The following TCF20 variants were observed in gnomAD, a reference collection of about 807,000 sequenced individuals.
The protein encoded by TCF20 is SPRE-binding protein.
In TCF20, 3 loss-of-function variants were observed where a neutral mutation model predicts 148.6. That is an observed-to-expected ratio of 0.02 (90% CI 0.01 to 0.05). The LOEUF is 0.05. Ranked by LOEUF, TCF20 falls within the 10% of genes least tolerant of loss-of-function variation. The pLI, the probability that TCF20 is intolerant of heterozygous loss-of-function variation, is 1.00. For synonymous variants in TCF20, 1,049 were observed against 909.5 expected (o/e 1.15, Z -2.76); for missense variants, 2,350 against 2,429.3 (o/e 0.97, Z 0.69).
intron 1 of TCF20, among the ~76,000 whole-genome samples, chr22:42,296,762 A>G (rs767849243): frequency 3.0e-4 from 46 of 152,218 alleles, no homozygotes; most frequent in Admixed American, 9.8e-4. Context: ...TGCCAGCCCC[A>G]AGCAGGGCTC....
chr22:42,203,572 A>C (rs914756020), intron 2 of TCF20, among the ~76,000 whole-genome samples: 28 of 152,232 alleles, frequency 1.8e-4, no homozygotes, highest in African/African-American at 6.8e-4. Flanking sequence ...TTTAGTGTCA[A>C]TGTCATCATG....
intron 1 of TCF20, among the ~76,000 whole-genome samples, chr22:42,306,333 C>A (rs548499618): frequency 1.3e-5 from 2 of 152,354 alleles, no homozygotes. Context: ...AGCCGCCCTG[C>A]CAGGCTGGGC....
chr22:42,194,632 C>T lies in TCF20; in HGVS notation c.5656-14930G>A, dbSNP rs534686167. ...GCGGGGGTAGCGGTAGATGGTGTTA[C>T]TGAGAAAGCCAGGCAAAGTGGTTGT... On this transcript the variant is annotated intron_variant, in intron 2 of 5. Transcript: ENST00000677622. Among the ~76,000 whole-genome samples the T allele has an allele frequency of 4.6e-5, 7 of 152,106 alleles. No homozygotes were observed. In the South Asian group the frequency reaches 1.5e-3, roughly 32 times the overall value.
rs746725241 is a variant in TCF20, at chr22:42,211,303, T to C, written c.4003A>G (p.Ser1335Gly). Residue 1335 changes from serine (S) to glycine (G), a missense_variant, in exon 2 of 6, where the codon AGC becomes GGC. Physicochemically the swap from Ser to Gly is moderately conservative, Grantham distance 56. Around this residue, in one of 7 missense-constraint regions of TCF20, gnomAD observed 1,641 missense variants for 1,662.6 expected, o/e 0.99. Transcript: ENST00000677622. Reference protein sequence around the residue: ...SRNCPAVTLTSPAKTKILPPR... With the variant: ...SRNCPAVTLTGPAKTKILPPR... ...GGCAGTATTTTGGTCTTAGCAGGGC[T>C]TGTGAGGGTAACAGCAGGGCAGTTT... 14 of 1,614,078 alleles carry C rather than the reference T, an allele frequency of 8.7e-6. No individual in the cohort carries two copies. The Admixed American group carries it at 2.3e-4, about 27-fold the overall frequency.
At position 42,212,314 on chromosome 22, in the gene TCF20, GACC is replaced by G. The variant is rs755253656; in HGVS notation, c.2989_2991del (p.Gly997del). Reference sequence around the variant, plus strand: ...GGGGACCGACCCCTCATGCCCTCCCGACCACCAACTCTGCCAGGGACCCGCCGC... The same window carrying G: ...GGGGACCGACCCCTCATGCCCTCCCGACCAACTCTGCCAGGGACCCGCCGC... On this transcript the variant is annotated inframe_deletion, in exon 2 of 6. Coordinates refer to ENST00000677622, the MANE Select transcript of TCF20 (RefSeq NM_001378418.1). The G allele has an allele frequency of 1.2e-6, 2 of 1,614,078 alleles. No homozygotes were observed. The highest frequency in any genetic ancestry group is 1.1e-5 in the South Asian group (1 of 91,076).
chr22:42,213,951 C>T lies in TCF20; in HGVS notation c.1355G>A (p.Gly452Glu). The T allele has an allele frequency of 6.2e-7, 1 of 1,614,146 alleles. No homozygotes were observed. The highest frequency in any genetic ancestry group is 8.5e-7 in the Non-Finnish European group (1 of 1,180,018). The change falls in exon 2 of 6, where the codon GGG (glycine) becomes GAG (glutamate). Residue 452 changes from glycine to glutamate, a missense_variant. This residue lies in a region of TCF20 where 1,641 missense variants were observed against 1,662.6 expected (regional missense o/e 0.99). Coordinates refer to ENST00000677622, the MANE Select transcript of TCF20 (RefSeq NM_001378418.1). ...ACTCAGAGCACTCAAACTACTCAACCCAGGATCTGTCAGTCGCTTTTCTGG... is the reference window on the plus strand; with the variant it reads ...ACTCAGAGCACTCAAACTACTCAACTCAGGATCTGTCAGTCGCTTTTCTGG... Reference protein sequence around the residue: ...GVPEKRLTDPGLSSLSALSTQ... With the variant: ...GVPEKRLTDPELSSLSALSTQ...
At position 42,317,973 on chromosome 22, in the gene TCF20, G is replaced by T. The variant is rs1927663432; in HGVS notation, c.-37+25506C>A. Among the ~76,000 whole-genome samples the T allele has an allele frequency of 6.6e-6, 1 of 152,202 alleles. No homozygotes were observed. The highest frequency in any genetic ancestry group is 1.5e-5 in the Non-Finnish European group (1 of 68,020). On this transcript the variant is annotated intron_variant, in intron 1 of 1. Coordinates refer to the TCF20 transcript ENST00000515426. This position sits in a 1 kb window ranked among gnomAD's most constrained non-coding sequence, Gnocchi z 4.2. ...CACACTCCCAGAGCCCTATGGGGCA[G>T]GCAGGCCCAGGCCCAGACAAGCCCC...
chr22:42,309,702 A>G (rs1927498935), intron 1 of TCF20, among the ~76,000 whole-genome samples: 1 of 152,130 alleles, frequency 6.6e-6, no homozygotes, highest in Non-Finnish European at 1.5e-5. Context: ...TTCCAGTCTC[A>G]GCTCAGACTT....
At chr22:42,198,693 G>A (rs939652446) in intron 2 of TCF20, among the ~76,000 whole-genome samples, 5 of 144,172 alleles carry the variant, frequency 3.5e-5, no homozygotes, top group East Asian at 2.0e-4. Context: ...AGACAGTCTC[G>A]CTGTGTCGCC....
At chr22:42,337,681 G>A (rs911486090) in intron 1 of TCF20, among the ~76,000 whole-genome samples, 21 of 152,232 alleles carry the variant, frequency 1.4e-4, no homozygotes, top group African/African-American at 4.8e-4. Context: ...AAAATAGCTT[G>A]AGCAAAAAAG....
At chr22:42,249,361 T>C (rs937591776) in intron 1 of TCF20, among the ~76,000 whole-genome samples, 9 of 152,226 alleles carry the variant, frequency 5.9e-5, no homozygotes, top group Admixed American at 5.9e-4. Flanking sequence ...CTCATATCTA[T>C]ACACATATCC....
intron 1 of TCF20, among the ~76,000 whole-genome samples, 113 bp downstream of exon 1, chr22:42,270,226 G>C (rs1220719799): frequency 1.3e-5 from 2 of 151,442 alleles, no homozygotes; most frequent in Non-Finnish European, 1.5e-5. Flanking sequence ...GCACTCCCAG[G>C]TTGGGTCCGG....
rs1254931155 is a variant in TCF20, at chr22:42,305,512, G to GT, written c.-37+37966_-37+37967insA. On this transcript the variant is annotated intron_variant, in intron 1 of 1. Coordinates refer to the TCF20 transcript ENST00000515426. ...CCAGACCCCTGGCCCTGGACACCTG[G>GT]CTCACCCCACCAGAACCTGCTGTGT... is the stretch of plus-strand genomic sequence containing the variant. Among the ~76,000 whole-genome samples the GT allele has an allele frequency of 2.6e-5, 4 of 152,086 alleles. No individual in the cohort carries two copies. In the East Asian group the frequency reaches 7.7e-4, roughly 29 times the overall value.
intron 1 of TCF20, among the ~76,000 whole-genome samples, chr22:42,236,211 T>C (rs1923872129): frequency 6.6e-6 from 1 of 151,222 alleles, no homozygotes; most frequent in African/African-American, 2.4e-5. Flanking sequence ...AAAAAACAAG[T>C]AAAAGACAAC....
In TCF20 at chr22:42,200,933, C is replaced by T. The variant is rs533026638; in HGVS notation, c.5655+8718G>A. Among the ~76,000 whole-genome samples the T allele has an allele frequency of 5.9e-5, 9 of 152,314 alleles. No homozygotes were observed. The South Asian group carries it at 6.2e-4, about 11-fold the overall frequency. Reference sequence around the variant, plus strand: ...CTAAATCCTTCAAATACAATAGATCCCTGATATGGTTTGGATCTGTGACTT... The same window carrying T: ...CTAAATCCTTCAAATACAATAGATCTCTGATATGGTTTGGATCTGTGACTT... On this transcript the variant is annotated intron_variant, in intron 2 of 5. Transcript: ENST00000677622.
chr22:42,301,939 T>G (rs528953874), intron 1 of TCF20, among the ~76,000 whole-genome samples: 203 of 152,278 alleles, frequency 1.3e-3, no homozygotes, highest in Middle Eastern at 3.4e-3. Flanking sequence ...GGCCCAGGGC[T>G]CGCAAGTACA....
At chr22:42,325,149 C>T (rs920432460) in intron 1 of TCF20, among the ~76,000 whole-genome samples, 2 of 152,264 alleles carry the variant, frequency 1.3e-5, no homozygotes, top group African/African-American at 4.8e-5. Flanking sequence ...GCCAGCGCCC[C>T]CCTAACCAGA....
At chr22:42,306,390 A>C (rs1419006989) in intron 1 of TCF20, among the ~76,000 whole-genome samples, 1 of 152,138 alleles carries the variant, frequency 6.6e-6, no homozygotes, top group Non-Finnish European at 1.5e-5. Context: ...GTGGCAAGCA[A>C]TGTGGGTGGG....
intron 1 of TCF20, among the ~76,000 whole-genome samples, chr22:42,227,067 G>A (rs1922975597): frequency 6.6e-6 from 1 of 152,084 alleles, no homozygotes; most frequent in African/African-American, 2.4e-5. Context: ...CAGAACACAC[G>A]AGGCCAGGAG....
Sources: allele counts gnomAD v4.1 joint callset (sites outside exome capture counted in the v4.1 genomes callset), GRCh38; gene constraint gnomAD v4.1.1; regional missense constraint gnomAD v4.1.1; non-coding constraint Gnocchi (gnomAD v3.1); transcripts MANE v1.5; gene names NCBI Gene and HGNC (gene_info 2026-07-23, HGNC 2026-07-21).